The following C8orf74 variants were observed in gnomAD, a reference collection of about 807,000 sequenced individuals.
C8orf74 encodes chromosome 8 open reading frame 74, also known as uncharacterized protein C8orf74.
C8orf74 carries 29 observed loss-of-function variants against 22.2 expected under a neutral mutation model. The observed-to-expected ratio is 1.31, with a 90% CI of 0.97 to 1.78. The LOEUF (loss-of-function observed/expected upper bound fraction) is 1.78. Among genes scored for constraint, C8orf74 ranks in the 40% most tolerant of loss-of-function variants. C8orf74 has a pLI of 0.00. For synonymous variants in C8orf74, 255 were observed against 163.1 expected (o/e 1.56, Z -4.30); for missense variants, 515 against 369.9 (o/e 1.39, Z -3.22).
In C8orf74 at chr8:10,697,943, T is replaced by G. The variant is rs1196980548; in HGVS notation, c.586T>G (p.Ser196Ala). The change falls in exon 3 of 4, where the codon TCG becomes GCG. Residue 196 changes from serine (S) to alanine (A), a missense_variant. Physicochemically the swap from Ser to Ala is moderately conservative, Grantham distance 99. Coordinates refer to ENST00000304519, the MANE Select transcript of C8orf74 (RefSeq NM_001040032.2). ...GGCGCTGCGCCTGGAGCGGGAGAACTCGCTGCAGAAGGCGTTCGCTGCCGC... is the reference window on the plus strand; with the variant it reads ...GGCGCTGCGCCTGGAGCGGGAGAACGCGCTGCAGAAGGCGTTCGCTGCCGC... The part of the protein sequence containing the change: ...KEALRLEREN[S>A]LQKAFAAAAP... 7.0e-6 allele frequency: 11 copies of G among 1,577,714 alleles called. No individual in the cohort carries two copies. The highest frequency in any genetic ancestry group is 1.3e-5 in the African/African-American group (1 of 74,398).
rs1798938906 is a variant in C8orf74, at chr8:10,672,635, C to T, written c.-31C>T. ...TTCCGGAAACTCTGAGTCAGTCTGG[C>T]TCCGTCTCCTGGCAACCAGATGCAG... On this transcript the variant is annotated 5_prime_UTR_variant, in exon 1 of 4. Transcript: ENST00000304519. 11 of 1,556,190 alleles carry T rather than the reference C, an allele frequency of 7.1e-6. No individual in the cohort carries two copies. The highest frequency in any genetic ancestry group is 1.7e-4 in the Middle Eastern group (1 of 5,990).
At chr8:10,685,266 A>G (rs192330794) in intron 2 of C8orf74, among the ~76,000 whole-genome samples, 1 of 152,386 alleles carries the variant, frequency 6.6e-6, no homozygotes, top group African/African-American at 2.4e-5. Flanking sequence ...TGGAAGTGGC[A>G]TATGATTCAA....
At chr8:10,679,466 C>A (rs1799102192) in intron 2 of C8orf74, among the ~76,000 whole-genome samples, 1 of 152,210 alleles carries the variant, frequency 6.6e-6, no homozygotes, top group African/African-American at 2.4e-5. Context: ...TAACCTTGAT[C>A]TTCTCTGGTG....
At chr8:10,678,148 T>C (rs954006733) in intron 2 of C8orf74, among the ~76,000 whole-genome samples, 2 of 152,246 alleles carry the variant, frequency 1.3e-5, no homozygotes, top group Middle Eastern at 3.4e-3. Flanking sequence ...AAAATAGACA[T>C]CAGGAGGCTG....
At chr8:10,680,899 G>A (rs753501121) in intron 2 of C8orf74, among the ~76,000 whole-genome samples, 1 of 152,196 alleles carries the variant, frequency 6.6e-6, no homozygotes, top group Non-Finnish European at 1.5e-5. Context: ...GAATGTGGGT[G>A]CAGGCAGCCC....
chr8:10,682,006 C>T (rs564403300), intron 2 of C8orf74, among the ~76,000 whole-genome samples: 1 of 152,266 alleles, frequency 6.6e-6, no homozygotes, highest in Admixed American at 6.5e-5. Flanking sequence ...CCTGGCATGA[C>T]AGTTCTTGTG....
chr8:10,680,836 CT>C (rs1222823228), intron 2 of C8orf74, among the ~76,000 whole-genome samples: 4 of 152,194 alleles, frequency 2.6e-5, no homozygotes, highest in Non-Finnish European at 4.4e-5. Context: ...CATTCCAGCT[CT>C]TTTCCACCTT....
chr8:10,674,885 G>A (rs1167246003), intron 2 of C8orf74, 47 bp downstream of exon 2: 3 of 1,501,582 alleles, frequency 2.0e-6, no homozygotes, highest in Admixed American at 2.0e-5. Context: ...GCGGGATGGG[G>A]TGGGTACACA....
chr8:10,683,232 G>C (rs537479912), intron 2 of C8orf74, among the ~76,000 whole-genome samples: 1 of 152,222 alleles, frequency 6.6e-6, no homozygotes, highest in African/African-American at 2.4e-5. Flanking sequence ...GGAGAGGCTG[G>C]GATCCTGGCC....
chr8:10,696,381 G>A lies in C8orf74; in HGVS notation c.242-1218G>A, dbSNP rs79425118. On this transcript the variant is annotated intron_variant, in intron 2 of 3. Coordinates refer to ENST00000304519, the MANE Select transcript of C8orf74 (RefSeq NM_001040032.2). The stretch of plus-strand genomic sequence containing the variant: ...TGAGCCACCAGCACAGCAGTGGCCT[G>A]GGTATCAATCAATCACTGCCTGCTC... 6.0e-3 allele frequency among the ~76,000 whole-genome samples: 909 copies of A among 151,582 alleles called. 7 individuals carry two copies. The highest frequency in any genetic ancestry group is 0.021 in the African/African-American group (867 of 41,308).
intron 2 of C8orf74, among the ~76,000 whole-genome samples, chr8:10,683,421 T>G (rs7827623): frequency 0.21 from 32,513 of 152,224 alleles, 3,842 homozygotes; most frequent in African/African-American, 0.29. Context: ...CAGCTGGACT[T>G]ACTGGTCAGC....
chr8:10,690,851 G>A (rs1435351158), intron 2 of C8orf74: 14 of 453,380 alleles, frequency 3.1e-5, no homozygotes, highest in South Asian at 7.8e-5. Context: ...TCCTCCACTC[G>A]TGCTGCATAT....
intron 2 of C8orf74, among the ~76,000 whole-genome samples, chr8:10,696,435 T>C (rs980727095): frequency 2.9e-5 from 4 of 138,386 alleles, no homozygotes; most frequent in African/African-American, 1.3e-4. Context: ...TCTTTTCTTT[T>C]CTTTTCTTTT....
chr8:10,680,441 G>A lies in C8orf74; in HGVS notation c.241+5603G>A, dbSNP rs368302589. Among the ~76,000 whole-genome samples the A allele has an allele frequency of 5.9e-5, 9 of 152,188 alleles. No individual in the cohort carries two copies. In the East Asian group the frequency reaches 9.6e-4, roughly 16 times the overall value. On this transcript the variant is annotated intron_variant, in intron 2 of 3. Coordinates refer to ENST00000304519, the MANE Select transcript of C8orf74 (RefSeq NM_001040032.2). ...TGTTCGCTACCATATGGCTGGAGGG[G>A]ACACAGGATGGTCCCATATCCACAT...
At chr8:10,675,369 A>C (rs553105492) in intron 2 of C8orf74, among the ~76,000 whole-genome samples, 2 of 152,272 alleles carry the variant, frequency 1.3e-5, no homozygotes, top group East Asian at 1.9e-4. Flanking sequence ...AGCTGTGGTC[A>C]CTCCACCCAC....
intron 2 of C8orf74, among the ~76,000 whole-genome samples, chr8:10,694,026 T>C (rs1304237757): frequency 1.3e-5 from 2 of 152,172 alleles, no homozygotes; most frequent in Non-Finnish European, 2.9e-5. Flanking sequence ...AGCTGGGCTG[T>C]GAAGTGGCCC....
At chr8:10,676,937 G>A (rs1176652934) in intron 2 of C8orf74, among the ~76,000 whole-genome samples, 3 of 152,224 alleles carry the variant, frequency 2.0e-5, no homozygotes, top group African/African-American at 7.2e-5. Flanking sequence ...CACAGGCCAA[G>A]CCCTTGGAAA....
At chr8:10,699,495 G>A (rs1303875911) in intron 3 of C8orf74, among the ~76,000 whole-genome samples, 1 of 152,222 alleles carries the variant, frequency 6.6e-6, no homozygotes, top group Non-Finnish European at 1.5e-5. Context: ...TGCTTCCAGT[G>A]TGTCCCCTGA....
intron 2 of C8orf74, among the ~76,000 whole-genome samples, chr8:10,684,581 C>A (rs991443668): frequency 1.3e-5 from 2 of 152,188 alleles, no homozygotes; most frequent in African/African-American, 4.8e-5. Flanking sequence ...TTATAGTAGT[C>A]CCCTCTAATC....
Sources: allele counts gnomAD v4.1 joint callset (sites outside exome capture counted in the v4.1 genomes callset), GRCh38; gene constraint gnomAD v4.1.1; transcripts MANE v1.5; gene names NCBI Gene and HGNC (gene_info 2026-07-23, HGNC 2026-07-21).